Variants in MOB3B observed in about 807,000 individuals in gnomAD.
MOB3B encodes MOB kinase activator-like 2B.
A neutral mutation model predicts 18.7 loss-of-function variants in MOB3B; 7 were observed. The observed-to-expected ratio is 0.37, with a 90% CI of 0.21 to 0.70. MOB3B has a LOEUF of 0.70. MOB3B is among the 30% of genes least tolerant of loss of function. MOB3B has a pLI of 0.52. For synonymous variants in MOB3B, 111 were observed against 99.9 expected, an observed-to-expected ratio of 1.11 and a Z score of -0.66; for missense variants, 253 against 281.3, an observed-to-expected ratio of 0.90 and a Z score of 0.72.
At chr9:27,514,420 G>C (rs1820199285) in intron 1 of MOB3B, among the ~76,000 whole-genome samples, 1 of 150,634 alleles carries the variant, frequency 6.6e-6, no homozygotes, top group African/African-American at 2.4e-5. Flanking sequence ...TCCTCTAGAG[G>C]AGATAGAGCA....
chr9:27,503,797 G>C (rs1368437413), intron 1 of MOB3B, among the ~76,000 whole-genome samples: 2 of 152,200 alleles, frequency 1.3e-5, no homozygotes, highest in Non-Finnish European at 2.9e-5. Context: ...GTTAGAGAGA[G>C]CCACCGCCCT....
chr9:27,528,928 G>A (rs1402666602), intron 1 of MOB3B, among the ~76,000 whole-genome samples: 1 of 152,214 alleles, frequency 6.6e-6, no homozygotes, highest in African/African-American at 2.4e-5. Context: ...TTCAGGGAAA[G>A]GGAGGGGCTG....
At chr9:27,498,374 G>A (rs545060917) in intron 1 of MOB3B, among the ~76,000 whole-genome samples, 5 of 152,304 alleles carry the variant, frequency 3.3e-5, no homozygotes, top group South Asian at 2.1e-4. Context: ...TGAGCTGTGC[G>A]AGACCTTTAA....
At chr9:27,439,955 G>A (rs1462239162) in intron 2 of MOB3B, among the ~76,000 whole-genome samples, 3 of 152,066 alleles carry the variant, frequency 2.0e-5, no homozygotes, top group South Asian at 2.1e-4. Context: ...GTGGTGGGGG[G>A]TAAGGCTGTT....
At chr9:27,467,824 G>A (rs1819410094) in intron 1 of MOB3B, among the ~76,000 whole-genome samples, 1 of 152,256 alleles carries the variant, frequency 6.6e-6, no homozygotes, top group Non-Finnish European at 1.5e-5. Context: ...GGGAAAGGGT[G>A]GGCAAATCCA....
chr9:27,521,688 ATGTG>A (rs112921711), intron 1 of MOB3B, among the ~76,000 whole-genome samples: 7 of 149,814 alleles, frequency 4.7e-5, no homozygotes, highest in African/African-American at 1.5e-4. Context: ...ACTTTATAGA[ATGTG>A]TGTGTGTGTG....
intron 1 of MOB3B, among the ~76,000 whole-genome samples, chr9:27,486,850 G>T (rs562398061): frequency 3.9e-5 from 6 of 152,346 alleles, no homozygotes; most frequent in African/African-American, 1.2e-4. Flanking sequence ...TAGTGTTGGG[G>T]CTGGGCGTGG....
chr9:27,411,892 T>C (rs757810514), intron 2 of MOB3B, among the ~76,000 whole-genome samples: 14 of 152,194 alleles, frequency 9.2e-5, no homozygotes, highest in Non-Finnish European at 5.9e-5. Flanking sequence ...GCTGCACTAA[T>C]GCAAGGTTCT....
At position 27,417,539 on chromosome 9, in the gene MOB3B, G is replaced by A. The variant is rs188566656; in HGVS notation, c.418+37594C>T. Among the ~76,000 whole-genome samples the A allele has an allele frequency of 2.0e-3, 304 of 152,248 alleles. 1 individual carries two copies. Among genetic ancestry groups the A allele is most frequent in the African/African-American group, 7.1e-3 (295 of 41,534 alleles). On this transcript the variant is annotated intron_variant, in intron 2 of 3. Coordinates refer to ENST00000262244, the MANE Select transcript of MOB3B (RefSeq NM_024761.5). ...TCTGCTCACAGCCTCCCTGTGCCCA[G>A]CTCCAGGAATCAACAATTCTCTTCC...
chr9:27,394,011 C>G (rs1376228511), intron 2 of MOB3B: 2 of 152,176 alleles, frequency 1.3e-5, no homozygotes, highest in Non-Finnish European at 2.9e-5. Context: ...GGCTCATATT[C>G]TAACTCTGTG....
At chr9:27,351,242 G>A (rs1821101324) in intron 3 of MOB3B, among the ~76,000 whole-genome samples, 1 of 140,456 alleles carries the variant, frequency 7.1e-6, no homozygotes, top group Non-Finnish European at 1.6e-5. Context: ...TCTAAGCAAA[G>A]AGAAACGGTT....
At position 27,455,757 on chromosome 9, in the gene MOB3B, A is replaced by G; in HGVS notation, c.-198-9T>C. 1 of 1,427,296 alleles carries G rather than the reference A, an allele frequency of 7.0e-7. No homozygotes were observed. Among genetic ancestry groups the G allele is most frequent in the Non-Finnish European group, 9.1e-7 (1 of 1,096,530 alleles). The allele number at this position is 1,427,296 out of a possible 1,614,324, so 88.4% of individuals were successfully genotyped here. A position where few individuals can be genotyped will look rare whatever the true frequency, so the allele number is the denominator to read the frequency against. On this transcript the variant is annotated splice_polypyrimidine_tract_variant and intron_variant, in intron 1 of 3. Coordinates refer to ENST00000262244, the MANE Select transcript of MOB3B (RefSeq NM_024761.5). The stretch of plus-strand genomic sequence containing the variant: ...GAACCTCATGTTCTTTCCTAAAGGT[A>G]GAAGAGAAAAGGGAACACATGAGTG...
chr9:27,425,102 G>T (rs184633961), intron 2 of MOB3B, among the ~76,000 whole-genome samples: 1 of 151,994 alleles, frequency 6.6e-6, no homozygotes, highest in East Asian at 1.9e-4. Flanking sequence ...GCATCCAGGC[G>T]CGGTGGCTTG....
chr9:27,354,238 A>T (rs1195380117), intron 3 of MOB3B, among the ~76,000 whole-genome samples: 1 of 152,200 alleles, frequency 6.6e-6, no homozygotes, highest in East Asian at 1.9e-4. Flanking sequence ...CTGTATTCCC[A>T]CTCAGAGGCC....
At chr9:27,485,032 T>C (rs1479441648) in intron 1 of MOB3B, among the ~76,000 whole-genome samples, 1 of 152,168 alleles carries the variant, frequency 6.6e-6, no homozygotes, top group Non-Finnish European at 1.5e-5. Context: ...AGACCACGGA[T>C]CCAAGTTCGA....
intron 2 of MOB3B, among the ~76,000 whole-genome samples, chr9:27,447,467 T>G (rs1383461776): frequency 1.3e-5 from 2 of 152,160 alleles, no homozygotes; most frequent in Non-Finnish European, 2.9e-5. Context: ...ATATCACATA[T>G]CCCATTTCCC....
intron 2 of MOB3B, chr9:27,378,548 A>G: frequency 4.3e-6 from 2 of 470,580 alleles, no homozygotes; most frequent in Non-Finnish European, 8.8e-6. Context: ...TGGCCAAAGG[A>G]CCGTGAAGGT....
intron 3 of MOB3B, among the ~76,000 whole-genome samples, chr9:27,336,912 A>C (rs1006983999): frequency 6.6e-6 from 1 of 152,202 alleles, no homozygotes; most frequent in African/African-American, 2.4e-5. Flanking sequence ...ATATTGCTGA[A>C]AAGACACGAG....
At chr9:27,455,866 A>T (rs1440603996) in intron 1 of MOB3B, 118 bp from the exon 2 acceptor site, 1 of 1,038,488 alleles carries the variant, frequency 9.6e-7, no homozygotes, top group Non-Finnish European at 1.3e-6. Context: ...ATCCAGGTAT[A>T]TGGGCATGGG....
Sources: gnomAD v4.1 joint callset for allele counts (sites outside exome capture counted in the v4.1 genomes callset) on GRCh38, gnomAD v4.1.1 for gene constraint, MANE v1.5 for transcripts, NCBI Gene and HGNC (gene_info 2026-07-23, HGNC 2026-07-21) for gene names.